Variants in CLMP observed in about 807,000 individuals in gnomAD.
CLMP encodes the protein CXADR like cell adhesion molecule.
A neutral mutation model predicts 45.2 loss-of-function variants in CLMP; 27 were observed. That is an observed-to-expected ratio of 0.60 (90% CI 0.44 to 0.82). CLMP has a LOEUF of 0.82. CLMP is among the 40% of genes least tolerant of loss of function. The probability of loss-of-function intolerance (pLI) is 0.00; values close to 1 mark genes in which losing one functional copy is unlikely to be tolerated. For synonymous variants in CLMP, 167 were observed against 171.4 expected, an observed-to-expected ratio of 0.97 and a Z score of 0.20; for missense variants, 403 against 448.4, an observed-to-expected ratio of 0.90 and a Z score of 0.91.
intron 1 of CLMP, among the ~76,000 whole-genome samples, chr11:123,113,200 A>G (rs1411718463): frequency 6.6e-6 from 1 of 152,242 alleles, no homozygotes; most frequent in Non-Finnish European, 1.5e-5. Context: ...TGACAAAATA[A>G]TTGGCACCCA....
intron 1 of CLMP, among the ~76,000 whole-genome samples, chr11:123,137,896 G>C (rs570800780): frequency 1.3e-5 from 2 of 152,234 alleles, no homozygotes; most frequent in East Asian, 3.9e-4. Flanking sequence ...TTTGTCCTTG[G>C]GGTTTCCAAA....
At chr11:123,158,240 A>G (rs1861441252) in intron 1 of CLMP, among the ~76,000 whole-genome samples, 2 of 152,168 alleles carry the variant, frequency 1.3e-5, no homozygotes, top group African/African-American at 2.4e-5. Context: ...TGCCCTTCCA[A>G]TTATAGTCTG....
chr11:123,124,559 A>C (rs1860862866), intron 1 of CLMP, among the ~76,000 whole-genome samples: 1 of 152,232 alleles, frequency 6.6e-6, no homozygotes, highest in African/African-American at 2.4e-5. Flanking sequence ...TTGCCTCTGC[A>C]ATAATCTAAC....
At chr11:123,128,083 C>T (rs1042330793) in intron 1 of CLMP, among the ~76,000 whole-genome samples, 1 of 150,316 alleles carries the variant, frequency 6.7e-6, no homozygotes, top group Non-Finnish European at 1.5e-5. Context: ...TAGGTTTTAT[C>T]CTCAGAATAT....
rs1162318416 is a variant in CLMP, at chr11:123,082,826, C to T, written c.679+259G>A. 2.0e-5 allele frequency among the ~76,000 whole-genome samples: 3 copies of T among 151,760 alleles called. No individual in the cohort carries two copies. In the East Asian group the frequency reaches 5.8e-4, roughly 29 times the overall value. Reference sequence around the variant, plus strand: ...TTCACCATGTTAGCCAGGCTGGTCTCAAACTCCTGACCTCAACTGATCTGC... The same window carrying T: ...TTCACCATGTTAGCCAGGCTGGTCTTAAACTCCTGACCTCAACTGATCTGC... On this transcript the variant is annotated intron_variant, in intron 5 of 6. Coordinates refer to ENST00000448775, the MANE Select transcript of CLMP (RefSeq NM_024769.5).
chr11:123,072,012 AC>A lies in CLMP; in HGVS notation c.*1461del, dbSNP rs1388804457. ...GGCACTAGCTCAGCCCTCTCCTGCC[AC>A]CCACTACTTATTCTCATCTCTTCCC... On this transcript the variant is annotated 3_prime_UTR_variant, in exon 7 of 7. Coordinates refer to ENST00000448775, the MANE Select transcript of CLMP (RefSeq NM_024769.5). The A allele has an allele frequency of 6.6e-6, 1 of 152,198 alleles. No homozygotes were observed. Among genetic ancestry groups the A allele is most frequent in the Non-Finnish European group, 1.5e-5 (1 of 68,044 alleles). 9.4% of individuals were successfully genotyped at this position (152,198 alleles called of 1,614,324 possible). A position where few individuals can be genotyped will look rare whatever the true frequency, so the allele number is the denominator to read the frequency against.
rs759019523 is a variant in CLMP at position 123,073,458 on chromosome 11, T to A, written c.*16A>T. Reference sequence around the variant, plus strand: ...CCTGACTCCTAGGAAAGCGTGGGAGTCAAGTCCATTGTAATTCAGACCGTT... The same window carrying A: ...CCTGACTCCTAGGAAAGCGTGGGAGACAAGTCCATTGTAATTCAGACCGTT... On this transcript the variant is annotated 3_prime_UTR_variant, in exon 7 of 7. Coordinates refer to ENST00000448775, the MANE Select transcript of CLMP (RefSeq NM_024769.5). 2 of 1,589,190 alleles carry A rather than the reference T, an allele frequency of 1.3e-6. No homozygotes were observed. The highest frequency in any genetic ancestry group is 8.6e-7 in the Non-Finnish European group (1 of 1,166,072).
At chr11:123,077,246 C>T (rs942543816) in intron 5 of CLMP, among the ~76,000 whole-genome samples, 1 of 151,864 alleles carries the variant, frequency 6.6e-6, no homozygotes, top group South Asian at 2.1e-4. Context: ...TGATCTACCC[C>T]CCGCCTTGGC....
intron 1 of CLMP, among the ~76,000 whole-genome samples, chr11:123,113,016 G>T (rs1860664331): frequency 6.6e-6 from 1 of 151,252 alleles, no homozygotes; most frequent in Non-Finnish European, 1.5e-5. Context: ...CTTGTGATCT[G>T]CCCTCCTCGA....
At chr11:123,092,505 CCAGGTTGGTCTTGAACTCTTGA>C (rs1273319605) in intron 2 of CLMP, among the ~76,000 whole-genome samples, 1 of 151,912 alleles carries the variant, frequency 6.6e-6, no homozygotes, top group African/African-American at 2.4e-5. Context: ...ACCATATTGG[CCAGGTTGGTCTTGAACTCTTGA>C]CCTTGTGATC....
At chr11:123,176,727 G>A (rs959261732) in intron 1 of CLMP, among the ~76,000 whole-genome samples, 3 of 152,210 alleles carry the variant, frequency 2.0e-5, no homozygotes, top group South Asian at 2.1e-4. Context: ...AACAGTGCAT[G>A]TGAAGGAGAC....
At chr11:123,158,818 A>C (rs938124174) in intron 1 of CLMP, among the ~76,000 whole-genome samples, 3 of 152,218 alleles carry the variant, frequency 2.0e-5, no homozygotes, top group African/African-American at 7.2e-5. Flanking sequence ...TTTCATTTAC[A>C]AAGGGTGGTG....
chr11:123,135,837 G>T, intron 1 of CLMP: 1 of 387,292 alleles, frequency 2.6e-6, no homozygotes, highest in Non-Finnish European at 5.2e-6. Context: ...ACAGACTCTG[G>T]CAGCATGTAC....
At chr11:123,078,150 A>T (rs1865761764) in intron 5 of CLMP, among the ~76,000 whole-genome samples, 1 of 152,168 alleles carries the variant, frequency 6.6e-6, no homozygotes, top group Non-Finnish European at 1.5e-5. Flanking sequence ...ATGTATTTGG[A>T]CACTTGGGGC....
intron 1 of CLMP, among the ~76,000 whole-genome samples, chr11:123,158,131 A>C (rs892553361): frequency 6.6e-6 from 1 of 152,180 alleles, no homozygotes; most frequent in African/African-American, 2.4e-5. Flanking sequence ...AGGAAGATGC[A>C]AAGTGCCCCT....
At chr11:123,102,707 C>CTTTTTTTTTTTTTTT (rs34392557) in intron 1 of CLMP, among the ~76,000 whole-genome samples, 11 of 93,288 alleles carry the variant, frequency 1.2e-4, no homozygotes, top group South Asian at 4.4e-4. Context: ...TCCCGAGTAG[C>CTTTTTTTTTTTTTTT]TTTTTTTTTT....
chr11:123,112,591 G>T (rs960582181), intron 1 of CLMP, among the ~76,000 whole-genome samples: 1 of 151,876 alleles, frequency 6.6e-6, no homozygotes, highest in African/African-American at 2.4e-5. Flanking sequence ...CCCCACCTCG[G>T]CCTCCCAAAG....
chr11:123,126,564 C>T (rs959040056), intron 1 of CLMP, among the ~76,000 whole-genome samples: 2 of 152,034 alleles, frequency 1.3e-5, no homozygotes, highest in Non-Finnish European at 2.9e-5. Context: ...GGTCTCCTGC[C>T]TTTCTACTCT....
rs546032468 is a variant in CLMP at position 123,102,087 on chromosome 11, G to A, written c.29-4135C>T. ...TAGTCCCAGCTACTTGGGGGGCTGA[G>A]GTGGGAGGATCACCTGAGCTTGGAA... On this transcript the variant is annotated intron_variant, in intron 1 of 6. Coordinates refer to ENST00000448775, the MANE Select transcript of CLMP (RefSeq NM_024769.5). 9.1e-4 allele frequency among the ~76,000 whole-genome samples: 139 copies of A among 152,104 alleles called. 1 individual carries two copies. The highest frequency in any genetic ancestry group is 3.2e-3 in the African/African-American group (134 of 41,526).
Sources: gnomAD v4.1 joint callset for allele counts (sites outside exome capture counted in the v4.1 genomes callset) on GRCh38, gnomAD v4.1.1 for gene constraint, MANE v1.5 for transcripts, NCBI Gene and HGNC (gene_info 2026-07-23, HGNC 2026-07-21) for gene names.